Variants in SVEP1 observed in about 807,000 individuals in gnomAD.
The protein encoded by SVEP1 is sushi, von Willebrand factor type A, EGF and pentraxin domain-containing protein 1.
Under a neutral mutation model 367.3 loss-of-function variants are expected in SVEP1, and 164 were observed. The ratio of observed to expected loss-of-function variants is 0.45; its 90% CI spans 0.39 to 0.51. SVEP1 has a LOEUF of 0.51. SVEP1 is among the 20% of genes least tolerant of loss of function. The pLI is 0.00. For missense variants in SVEP1, 4,117 were observed against 4,425.3 expected, an observed-to-expected ratio of 0.93 and a Z score of 1.98; for synonymous variants, 1,666 against 1,611.6, an observed-to-expected ratio of 1.03 and a Z score of -0.81.
At chr9:110,476,037 A>ATAACCT (rs1255762888) in intron 14 of SVEP1, 167 bp downstream of exon 14, 5 of 502,068 alleles carry the variant, frequency 1.0e-5, no homozygotes, top group Non-Finnish European at 1.7e-5. Context: ...AAAATTTGAT[A>ATAACCT]TAACCTTAAT....
chr9:110,571,052 C>T lies in SVEP1; in HGVS notation c.531+7961G>A, dbSNP rs143110264. ...AGTTCAATGACGCGATCTCAACTCA[C>T]TGCAACCTCGGCCTCCCAGGTTCAA... On this transcript the variant is annotated intron_variant, in intron 1 of 47. Coordinates refer to ENST00000374469, the MANE Select transcript of SVEP1 (RefSeq NM_153366.4). Among the ~76,000 whole-genome samples the T allele has an allele frequency of 1.2e-3, 177 of 147,874 alleles. 1 individual carries two copies. The highest frequency in any genetic ancestry group is 4.2e-3 in the African/African-American group (171 of 40,454).
chr9:110,458,645 G>A, intron 19 of SVEP1, 83 bp from the exon 20 acceptor site: 1 of 1,341,620 alleles, frequency 7.5e-7, no homozygotes, highest in South Asian at 1.3e-5. Context: ...CAAGATTCTG[G>A]TTGTCAGAGT....
At chr9:110,449,405 G>A in intron 24 of SVEP1, among the ~76,000 whole-genome samples, 1 of 152,170 alleles carries the variant, frequency 6.6e-6, no homozygotes, top group East Asian at 1.9e-4. Context: ...CAGTATGATT[G>A]CAGATTCCAT....
At chr9:110,430,854 A>G (rs189560958) in intron 32 of SVEP1, among the ~76,000 whole-genome samples, 2 of 152,284 alleles carry the variant, frequency 1.3e-5, no homozygotes, top group East Asian at 1.9e-4. Flanking sequence ...CAGATTCAGG[A>G]AAGTTTCCAG....
intron 36 of SVEP1, among the ~76,000 whole-genome samples, chr9:110,415,442 G>C (rs1828105400): frequency 6.6e-6 from 1 of 152,032 alleles, no homozygotes; most frequent in Non-Finnish European, 1.5e-5. Flanking sequence ...CAAGGGAGGA[G>C]ACAGTTAAGA....
chr9:110,493,561 G>A (rs28494616), intron 8 of SVEP1, among the ~76,000 whole-genome samples: 5,558 of 151,968 alleles, frequency 0.037, 310 homozygotes, highest in African/African-American at 0.12. Flanking sequence ...GTGAAAACCC[G>A]TCTCTACTAA....
At chr9:110,542,546 G>C (rs1830164479) in intron 3 of SVEP1, among the ~76,000 whole-genome samples, 1 of 152,094 alleles carries the variant, frequency 6.6e-6, no homozygotes, top group African/African-American at 2.4e-5. Flanking sequence ...TGAAACTTCT[G>C]TGTTGTGTGT....
chr9:110,384,420 T>C (rs1827489148), intron 43 of SVEP1, among the ~76,000 whole-genome samples: 3 of 152,032 alleles, frequency 2.0e-5, no homozygotes, highest in Admixed American at 1.3e-4. Context: ...TCACTCACTG[T>C]TTTTGTTCTT....
chr9:110,390,341 T>TATA (rs1827632137), intron 40 of SVEP1, among the ~76,000 whole-genome samples: 10 of 30,400 alleles, frequency 3.3e-4, no homozygotes, highest in African/African-American at 2.6e-3. Flanking sequence ...ATACACATAC[T>TATA]TATATACACT....
chr9:110,498,371 A>T (rs1235995387), intron 7 of SVEP1, among the ~76,000 whole-genome samples: 2 of 152,076 alleles, frequency 1.3e-5, no homozygotes. Flanking sequence ...TCCTTATTAA[A>T]TGGACATTGG....
chr9:110,480,264 T>C (rs1323905947), intron 12 of SVEP1, among the ~76,000 whole-genome samples: 2 of 152,146 alleles, frequency 1.3e-5, no homozygotes, highest in African/African-American at 2.4e-5. Flanking sequence ...AAAATGCCCC[T>C]GAAGAATTCA....
Position 110,476,207 on chromosome 9 carries a change from T to C in SVEP1, c.2596A>G (p.Ile866Val). Residue 866 changes from isoleucine to valine, a missense_variant, in exon 14 of 48, where the codon ATT (isoleucine) becomes GTT (valine). Ile to Val is a conservative substitution (Grantham distance 29, BLOSUM62 3). This residue lies in a region of SVEP1 where 2,174 missense variants were observed against 2,494.3 expected (regional missense o/e 0.87). Coordinates refer to ENST00000374469, the MANE Select transcript of SVEP1 (RefSeq NM_153366.4). ...YNYDYENGFAIGPGGWGAANR... is the reference protein window; with the variant it reads ...YNYDYENGFAVGPGGWGAANR... ...CGATGCCACAGAATTTAATTACCAA[T>C]TGCAAAGCCATTTTCATAGTCATAA... The C allele has an allele frequency of 6.2e-7, 1 of 1,604,756 alleles. No homozygotes were observed. Among genetic ancestry groups the C allele is most frequent in the Non-Finnish European group, 8.5e-7 (1 of 1,172,318 alleles).
rs1412578009 is a variant in SVEP1 at position 110,457,318 on chromosome 9, T to C, written c.3611A>G (p.Asn1204Ser). 11 of 1,612,592 alleles carry C rather than the reference T, an allele frequency of 6.8e-6. No individual in the cohort carries two copies. Among genetic ancestry groups the C allele is most frequent in the East Asian group, 2.2e-5 (1 of 44,818 alleles). Residue 1204 changes from asparagine to serine, a missense_variant, in exon 21 of 48, where the codon AAT (asparagine) becomes AGT (serine). Asn to Ser is a conservative substitution (Grantham distance 46). Coordinates refer to ENST00000374469, the MANE Select transcript of SVEP1 (RefSeq NM_153366.4). Reference sequence around the variant, plus strand: ...CCCAAGTTGCTGGCAGGTTCCACTATTGTGGCAAGGGTTAAAGAAGCATTC... The same window carrying C: ...CCCAAGTTGCTGGCAGGTTCCACTACTGTGGCAAGGGTTAAAGAAGCATTC... ...FHECFFNPCH[N>S]SGTCQQLGRG...
chr9:110,367,858 A>T (rs566112752), intron 47 of SVEP1, among the ~76,000 whole-genome samples: 1 of 152,300 alleles, frequency 6.6e-6, no homozygotes, highest in South Asian at 2.1e-4. Context: ...AGGCGGGCAG[A>T]TCACTTGAGG....
chr9:110,412,442 T>C (rs984044974), intron 36 of SVEP1, among the ~76,000 whole-genome samples: 1 of 152,126 alleles, frequency 6.6e-6, no homozygotes, highest in Non-Finnish European at 1.5e-5. Flanking sequence ...ATAAAAACCC[T>C]AGAAGAAAAC....
intron 27 of SVEP1, among the ~76,000 whole-genome samples, chr9:110,438,897 T>C (rs1166140062): frequency 2.0e-5 from 3 of 152,236 alleles, no homozygotes; most frequent in African/African-American, 7.2e-5. Flanking sequence ...ATCACACCTA[T>C]ATCTTTAGCT....
At position 110,458,542 on chromosome 9, in the gene SVEP1, C is replaced by G. The variant is rs1828811215; in HGVS notation, c.3505G>C (p.Ala1169Pro). The G allele has an allele frequency of 1.9e-6, 3 of 1,611,618 alleles. No homozygotes were observed. The South Asian group carries it at 3.3e-5, about 18-fold the overall frequency. The change falls in exon 20 of 48, where the codon GCG (alanine) becomes CCG (proline). Residue 1169 changes from alanine to proline, a missense_variant. This residue lies in a region of SVEP1 where 2,174 missense variants were observed against 2,494.3 expected (regional missense o/e 0.87). Transcript: ENST00000374469. ...ECSSFSSTFS[A>P]AEESVVPPAS... The stretch of plus-strand genomic sequence containing the variant: ...GGGGGCACCACACTTTCCTCTGCCG[C>G]TGAGAAAGTTGAACTAAAACCTAAT...
intron 3 of SVEP1, among the ~76,000 whole-genome samples, chr9:110,517,229 G>C (rs957136062): frequency 1.3e-5 from 2 of 152,112 alleles, no homozygotes; most frequent in Non-Finnish European, 2.9e-5. Flanking sequence ...GGAGGCTGAG[G>C]CAGGAGGATT....
In SVEP1 at chr9:110,457,320, G is replaced by A. The variant is rs749488782; in HGVS notation, c.3609C>T (p.His1203=). The part of the protein sequence containing the change: ...VFHECFFNPC[H]NSGTCQQLGR... Reference sequence around the variant, plus strand: ...CAAGTTGCTGGCAGGTTCCACTATTGTGGCAAGGGTTAAAGAAGCATTCAT... The same window carrying A: ...CAAGTTGCTGGCAGGTTCCACTATTATGGCAAGGGTTAAAGAAGCATTCAT... Residue 1203 remains histidine (H), a synonymous_variant, in exon 21 of 48, where the codon CAC becomes CAT. Coordinates refer to ENST00000374469, the MANE Select transcript of SVEP1 (RefSeq NM_153366.4). 1.2e-6 allele frequency: 2 copies of A among 1,612,288 alleles called. No individual in the cohort carries two copies. Among genetic ancestry groups the A allele is most frequent in the Admixed American group, 1.7e-5 (1 of 59,448 alleles).
Sources: allele counts gnomAD v4.1 joint callset (sites outside exome capture counted in the v4.1 genomes callset), GRCh38; gene constraint gnomAD v4.1.1; regional missense constraint gnomAD v4.1.1; transcripts MANE v1.5; gene names NCBI Gene and HGNC (gene_info 2026-07-23, HGNC 2026-07-21).